The following POLK variants were observed in gnomAD, a reference collection of about 807,000 sequenced individuals.
The protein encoded by POLK is polymerase (DNA directed) kappa.
In POLK, 76 loss-of-function variants were observed where a neutral mutation model predicts 94.0. The observed-to-expected ratio is 0.81, with a 90% CI of 0.67 to 0.98. The LOEUF (loss-of-function observed/expected upper bound fraction) is 0.98. POLK is among the 50% of genes least tolerant of loss of function. The probability of loss-of-function intolerance (pLI) is 0.00; values close to 1 mark genes in which losing one functional copy is unlikely to be tolerated. For synonymous variants in POLK, 349 were observed against 325.4 expected, an observed-to-expected ratio of 1.07 and a Z score of -0.78; for missense variants, 954 against 1,010.1, an observed-to-expected ratio of 0.94 and a Z score of 0.75.
chr5:75,586,983 ACT>A, intron 9 of POLK, 41 bp from the exon 10 acceptor site: 2 of 1,447,996 alleles, frequency 1.4e-6, no homozygotes, highest in South Asian at 2.5e-5. Flanking sequence ...ACTAAAAAAA[ACT>A]CAGTCTTTGA....
At chr5:75,525,074 A>T (rs1768770083) in intron 1 of POLK, among the ~76,000 whole-genome samples, 1 of 152,210 alleles carries the variant, frequency 6.6e-6, no homozygotes. Flanking sequence ...GATAAAACAG[A>T]ATCTAGAGTT....
At chr5:75,527,936 G>A (rs189249617) in intron 1 of POLK, among the ~76,000 whole-genome samples, 220 of 152,166 alleles carry the variant, frequency 1.4e-3, no homozygotes, top group Non-Finnish European at 2.5e-3. Flanking sequence ...ATGAAATATC[G>A]TTCAACCATA....
chr5:75,586,510 A>G (rs1772478639), intron 9 of POLK, among the ~76,000 whole-genome samples: 1 of 152,176 alleles, frequency 6.6e-6, no homozygotes, highest in Non-Finnish European at 1.5e-5. Context: ...GCTAGAATAC[A>G]GCCAAACTAG....
chr5:75,528,362 A>G (rs576262990), intron 1 of POLK, among the ~76,000 whole-genome samples: 11 of 152,220 alleles, frequency 7.2e-5, no homozygotes, highest in African/African-American at 1.7e-4. Context: ...GAAGAAAGTA[A>G]TGAAGTATCC....
chr5:75,549,972 A>G (rs570730584), intron 2 of POLK, among the ~76,000 whole-genome samples: 1 of 152,316 alleles, frequency 6.6e-6, no homozygotes, highest in African/African-American at 2.4e-5. Flanking sequence ...TAATAAGGAA[A>G]TAAATTAGTA....
At chr5:75,566,054 A>T (rs950507996) in intron 3 of POLK, among the ~76,000 whole-genome samples, 4 of 152,146 alleles carry the variant, frequency 2.6e-5, no homozygotes, top group Admixed American at 2.0e-4. Flanking sequence ...TCTTTCAGAG[A>T]TGCCCTGCCC....
At chr5:75,590,215 A>G in intron 10 of POLK, 129 bp from the exon 11 acceptor site, 1 of 463,508 alleles carries the variant, frequency 2.2e-6, no homozygotes. Flanking sequence ...ATTTTAGTTC[A>G]TCTGAAAACT....
intron 3 of POLK, among the ~76,000 whole-genome samples, chr5:75,565,634 A>G (rs552075548): frequency 6.6e-6 from 1 of 151,938 alleles, no homozygotes; most frequent in South Asian, 2.1e-4. Flanking sequence ...TTCTAGCAGG[A>G]CCCTCTTCTG....
intron 1 of POLK, among the ~76,000 whole-genome samples, chr5:75,537,550 G>A (rs978324647): frequency 1.3e-5 from 2 of 152,168 alleles, no homozygotes; most frequent in African/African-American, 4.8e-5. Flanking sequence ...TATTCTCTGT[G>A]AGAGCAATGC....
At chr5:75,550,535 C>T (rs749788099) in intron 2 of POLK, among the ~76,000 whole-genome samples, 30 of 152,018 alleles carry the variant, frequency 2.0e-4, no homozygotes, top group Non-Finnish European at 3.8e-4. Flanking sequence ...GCCAAGATTG[C>T]ACCACTGCAC....
upstream of POLK, chr5:75,511,666 C>G: frequency 1.3e-6 from 2 of 1,517,954 alleles, no homozygotes; most frequent in Non-Finnish European, 1.8e-6. Flanking sequence ...TCCCCTTCGT[C>G]CTCCCATTCT....
At chr5:75,601,025 TTCTTG>T (rs1773285455) in exon 15 of POLK, 1 of 152,140 alleles carries the variant, frequency 6.6e-6, no homozygotes, top group Admixed American at 6.5e-5. Context: ...AATGTTCTAT[TTCTTG>T]TCTTGGGTGG....
At chr5:75,580,867 C>CT (rs562476434) in intron 6 of POLK, among the ~76,000 whole-genome samples, 7,708 of 139,030 alleles carry the variant, frequency 0.055, 551 homozygotes, top group African/African-American at 0.18. Flanking sequence ...AAAAGATTTC[C>CT]TTTTTTTTTT....
chr5:75,511,633 C>CTCCCCTCCCCTGTCCTT, upstream of POLK: 1 of 1,486,010 alleles, frequency 6.7e-7, no homozygotes, highest in Non-Finnish European at 9.0e-7. Context: ...ACTATTTACC[C>CTCCCCTCCCCTGTCCTT]TCCCCTCCCC....
rs187765981 is a variant in POLK, at chr5:75,565,001, T to A, written c.256-4339T>A. On this transcript the variant is annotated intron_variant, in intron 3 of 14. Coordinates refer to ENST00000241436, the Ensembl canonical transcript of POLK. ...TTCCAACTTGGTTCCATTCTTCTTGTCAGTTTTAGTTTCACCAATCAAATG... is the reference window on the plus strand; with the variant it reads ...TTCCAACTTGGTTCCATTCTTCTTGACAGTTTTAGTTTCACCAATCAAATG... 1.3e-4 allele frequency among the ~76,000 whole-genome samples: 20 copies of A among 152,338 alleles called. No homozygotes were observed. In the East Asian group the frequency reaches 3.9e-3, roughly 29 times the overall value.
At chr5:75,554,230 G>A (rs1156861289) in intron 3 of POLK, among the ~76,000 whole-genome samples, 1 of 152,138 alleles carries the variant, frequency 6.6e-6, no homozygotes, top group Non-Finnish European at 1.5e-5. Context: ...ACCATGGAAG[G>A]AAGGAAGAAT....
intron 1 of POLK, among the ~76,000 whole-genome samples, chr5:75,514,731 G>A (rs1768241541): frequency 6.6e-6 from 1 of 152,054 alleles, no homozygotes; most frequent in African/African-American, 2.4e-5. Context: ...CAGGCATAAT[G>A]GCACATATCT....
chr5:75,567,176 A>T (rs914673720), intron 3 of POLK, among the ~76,000 whole-genome samples: 2 of 152,154 alleles, frequency 1.3e-5, no homozygotes, highest in South Asian at 4.1e-4. Context: ...GTCTGAGGAG[A>T]ATTTTTTCCC....
At chr5:75,515,514 A>T (rs1197151476) in intron 1 of POLK, among the ~76,000 whole-genome samples, 1 of 152,178 alleles carries the variant, frequency 6.6e-6, no homozygotes, top group Admixed American at 6.5e-5. Context: ...TTATCCATTC[A>T]TCCATTGATG....
Sources: gnomAD v4.1 joint callset for allele counts (sites outside exome capture counted in the v4.1 genomes callset) on GRCh38, gnomAD v4.1.1 for gene constraint, MANE v1.5 for transcripts, NCBI Gene and HGNC (gene_info 2026-07-23, HGNC 2026-07-21) for gene names.